Variants in DYNC2H1 observed in about 807,000 individuals in gnomAD.
DYNC2H1 encodes dynein cytoplasmic 2 heavy chain 1.
DYNC2H1 carries 410 observed loss-of-function variants against 570.0 expected under a neutral mutation model. The ratio of observed to expected loss-of-function variants is 0.72; its 90% CI spans 0.66 to 0.78. The LOEUF is 0.78. Ranked by LOEUF, DYNC2H1 falls within the 30% of genes least tolerant of loss-of-function variation. The pLI, the probability that DYNC2H1 is intolerant of heterozygous loss-of-function variation, is 0.00. For synonymous variants in DYNC2H1, 1,688 were observed against 1,677.6 expected, an observed-to-expected ratio of 1.01 and a Z score of -0.15; for missense variants, 4,865 against 5,046.4, an observed-to-expected ratio of 0.96 and a Z score of 1.09.
At chr11:103,354,995 G>A (rs1018700698) in intron 82 of DYNC2H1, among the ~76,000 whole-genome samples, 3 of 151,774 alleles carry the variant, frequency 2.0e-5, no homozygotes, top group African/African-American at 7.3e-5. Context: ...TCTTCATATA[G>A]TAATAACTCT....
Position 103,153,357 on chromosome 11 carries a change from C to A in DYNC2H1, c.3151C>A (p.Leu1051Met), listed in dbSNP as rs1860659381. 1 of 1,547,964 alleles carries A rather than the reference C, an allele frequency of 6.5e-7. No homozygotes were observed. The highest frequency in any genetic ancestry group is 2.0e-5 in the Admixed American group (1 of 50,510). Reference sequence around the variant, plus strand: ...ACGTCTTCAGATCTATTATCAAGAACTGGAAAAATTTAAAGCTCGTTGGGA... The same window carrying A: ...ACGTCTTCAGATCTATTATCAAGAAATGGAAAAATTTAAAGCTCGTTGGGA... ...KSRLQIYYQE[L>M]EKFKARWDQL... Residue 1051 changes from leucine to methionine, a missense_variant, in exon 22 of 89, where the codon CTG becomes ATG. Physicochemically the swap from Leu to Met is conservative, Grantham distance 15 (BLOSUM62 2). This residue lies in a region of DYNC2H1 where 1,936 missense variants were observed against 1,962.1 expected (regional missense o/e 0.99). Coordinates refer to ENST00000375735, the MANE Select transcript of DYNC2H1 (RefSeq NM_001377.3).
intron 17 of DYNC2H1, 134 bp from the exon 18 acceptor site, chr11:103,143,134 T>C: frequency 2.5e-6 from 2 of 801,348 alleles, no homozygotes; most frequent in Admixed American, 2.8e-5. Flanking sequence ...GTAATGATTA[T>C]ATTACTTAAA....
At chr11:103,389,872 T>C (rs1942059588) in intron 83 of DYNC2H1, among the ~76,000 whole-genome samples, 2 of 152,304 alleles carry the variant, frequency 1.3e-5, no homozygotes, top group South Asian at 4.2e-4. Context: ...CAGTTTGTTA[T>C]AATTTCTGTT....
In DYNC2H1 at chr11:103,235,719, A is replaced by T; in HGVS notation, c.9615A>T (p.Gln3205His). 6.2e-7 allele frequency: 1 copy of T among 1,611,424 alleles called. No homozygotes were observed. Among genetic ancestry groups the T allele is most frequent in the Non-Finnish European group, 8.5e-7 (1 of 1,178,396 alleles). ...TAGCTACTCTTCCTAAAAGAGCTCA[A>T]CTTGCTGCTGCATTTATTACATATC... ...EELATLPKRAQLAAAFITYLS... is the reference protein window; with the variant it reads ...EELATLPKRAHLAAAFITYLS... Residue 3205 changes from glutamine to histidine, a missense_variant, in exon 62 of 89, where the codon CAA becomes CAT. This residue lies in a region of DYNC2H1 where 2,401 missense variants were observed against 2,454.6 expected (regional missense o/e 0.98). Coordinates refer to ENST00000375735, the MANE Select transcript of DYNC2H1 (RefSeq NM_001377.3).
intron 82 of DYNC2H1, among the ~76,000 whole-genome samples, chr11:103,351,774 T>C (rs1439433627): frequency 6.6e-6 from 1 of 152,194 alleles, no homozygotes; most frequent in Non-Finnish European, 1.5e-5. Flanking sequence ...TACTAGCCTT[T>C]GTAACATTAT....
At position 103,280,752 on chromosome 11, in the gene DYNC2H1, G is replaced by A. The variant is rs1163211949; in HGVS notation, c.10761+339G>A. Among the ~76,000 whole-genome samples, 2 of 151,972 alleles carry A rather than the reference G, an allele frequency of 1.3e-5. No homozygotes were observed. Among genetic ancestry groups the A allele is most frequent in the Non-Finnish European group, 2.9e-5 (2 of 67,958 alleles). ...CATATAGAAAAAGTGAGACAATATTGGTACAAAACTACATTATTTATTGCT... is the reference window on the plus strand; with the variant it reads ...CATATAGAAAAAGTGAGACAATATTAGTACAAAACTACATTATTTATTGCT... On this transcript the variant is annotated intron_variant, in intron 71 of 88. Coordinates refer to ENST00000375735, the MANE Select transcript of DYNC2H1 (RefSeq NM_001377.3). This position sits in a 1 kb window ranked among gnomAD's most constrained non-coding sequence, Gnocchi z 4.7.
intron 86 of DYNC2H1, 73 bp from the exon 87 acceptor site, chr11:103,456,202 T>G: frequency 8.8e-7 from 1 of 1,134,204 alleles, no homozygotes; most frequent in Non-Finnish European, 1.3e-6. Flanking sequence ...AATAGGACTA[T>G]ATCTTCAGTT....
rs1418579435 is a variant in DYNC2H1 at position 103,252,238 on chromosome 11, A to G, written c.10043-1047A>G. ...GCATAAGCAGCCGTGCCTGACCCAC[A>G]TTTTCTTTATCCGATCTGTTGATGG... On this transcript the variant is annotated intron_variant, in intron 65 of 88. Coordinates refer to ENST00000375735, the MANE Select transcript of DYNC2H1 (RefSeq NM_001377.3). The surrounding 1 kb of genome is among the most constrained non-coding windows in gnomAD (Gnocchi z 4.6). Among the ~76,000 whole-genome samples the G allele has an allele frequency of 1.3e-5, 2 of 151,546 alleles. No individual in the cohort carries two copies. Among genetic ancestry groups the G allele is most frequent in the African/African-American group, 4.9e-5 (2 of 41,188 alleles).
chr11:103,350,235 G>A (rs1269499504), intron 82 of DYNC2H1, among the ~76,000 whole-genome samples: 1 of 151,942 alleles, frequency 6.6e-6, no homozygotes, highest in Non-Finnish European at 1.5e-5. Context: ...TTGGGCTGAA[G>A]TTAAAAATAT....
intron 84 of DYNC2H1, among the ~76,000 whole-genome samples, chr11:103,428,943 A>G (rs1389234502): frequency 1.3e-5 from 2 of 152,068 alleles, no homozygotes; most frequent in Admixed American, 1.3e-4. Context: ...ATCTCTTAAG[A>G]TAACAAGCAT....
chr11:103,308,228 G>GT (rs536822607), intron 78 of DYNC2H1, among the ~76,000 whole-genome samples: 3 of 152,124 alleles, frequency 2.0e-5, no homozygotes, highest in Non-Finnish European at 2.9e-5. Flanking sequence ...CTTTCTAAGA[G>GT]TTTGACTGCT....
chr11:103,187,527 A>T lies in DYNC2H1; in HGVS notation c.7081A>T (p.Ile2361Phe). Residue 2361 changes from isoleucine (I) to phenylalanine (F), a missense_variant, in exon 43 of 89, where the codon ATC (isoleucine) becomes TTC (phenylalanine). This residue lies in a region of DYNC2H1 where 2,401 missense variants were observed against 2,454.6 expected (regional missense o/e 0.98). Transcript: ENST00000375735. The stretch of plus-strand genomic sequence containing the variant: ...AAGACTTGTTCTGTACTTAAAAGAT[A>T]TCAACCTACCTAAACTTGATAAATG... ...CERLVLYLKD[I>F]NLPKLDKWGT... 1 of 1,613,328 alleles carries T rather than the reference A, an allele frequency of 6.2e-7. No homozygotes were observed. The highest frequency in any genetic ancestry group is 8.5e-7 in the Non-Finnish European group (1 of 1,179,474).
chr11:103,152,237 T>A lies in DYNC2H1; in HGVS notation c.3048T>A (p.Asp1016Glu), dbSNP rs1232925591. 6.8e-6 allele frequency: 11 copies of A among 1,608,490 alleles called. No homozygotes were observed. The highest frequency in any genetic ancestry group is 1.3e-5 in the African/African-American group (1 of 74,734). ...TTAGTAATTTGAAAGCCAAGTGGGA[T>A]AAATTTGAGTTAATGATGGAAAGTC... ...ETISNLKAKW[D>E]KFELMMESHQ... Residue 1016 changes from aspartate (D) to glutamate (E), a missense_variant, in exon 21 of 89, where the codon GAT (aspartate) becomes GAA (glutamate). Asp to Glu is a conservative substitution (Grantham distance 45). This residue lies in a region of DYNC2H1 where 1,936 missense variants were observed against 1,962.1 expected (regional missense o/e 0.99). Transcript: ENST00000375735.
In DYNC2H1 at chr11:103,157,691, A is replaced by G. The variant is rs1183912470; in HGVS notation, c.4127+921A>G. On this transcript the variant is annotated intron_variant, in intron 26 of 88. Transcript: ENST00000375735. This position sits in a 1 kb window ranked among gnomAD's most constrained non-coding sequence, Gnocchi z 4.2. Reference sequence around the variant, plus strand: ...CATTAACCTTCTGACTTGCTCTTGTATAATATAAGTTTTTCACACAACAGC... The same window carrying G: ...CATTAACCTTCTGACTTGCTCTTGTGTAATATAAGTTTTTCACACAACAGC... Among the ~76,000 whole-genome samples the G allele has an allele frequency of 1.3e-5, 2 of 152,178 alleles. No homozygotes were observed. Among genetic ancestry groups the G allele is most frequent in the African/African-American group, 4.8e-5 (2 of 41,440 alleles).
rs1862225558 is a variant in DYNC2H1, at chr11:103,189,850, T to C, written c.7437+34T>C. On this transcript the variant is annotated intron_variant, in intron 45 of 88. Transcript: ENST00000375735. The surrounding 1 kb of genome is among the most constrained non-coding windows in gnomAD (Gnocchi z 4.3). ...GCATCTAAATTGTAGCTTTCATGTC[T>C]ATTAGTATCATTTCTAAAGGTCTAC... is the stretch of plus-strand genomic sequence containing the variant. 1 of 1,550,332 alleles carries C rather than the reference T, an allele frequency of 6.5e-7. No homozygotes were observed. The highest frequency in any genetic ancestry group is 8.7e-7 in the Non-Finnish European group (1 of 1,153,388).
Position 103,256,179 on chromosome 11 carries a change from G to A in DYNC2H1, c.10400G>A (p.Ser3467Asn), listed in dbSNP as rs1423868738. ...LIESLNQTKA[S>N]SALIQESLKE... ...GAGTCTTTGAATCAGACAAAAGCAA[G>A]CAGTGCACTTATTCAAGAGTCACTT... is the stretch of plus-strand genomic sequence containing the variant. The change falls in exon 68 of 89, where the codon AGC (serine) becomes AAC (asparagine). Residue 3467 changes from serine (S) to asparagine (N), a missense_variant. Ser to Asn is a conservative substitution (Grantham distance 46). Coordinates refer to ENST00000375735, the MANE Select transcript of DYNC2H1 (RefSeq NM_001377.3). This position sits in a 1 kb window ranked among gnomAD's most constrained non-coding sequence, Gnocchi z 4.0. 7 of 1,609,092 alleles carry A rather than the reference G, an allele frequency of 4.4e-6. No homozygotes were observed. The South Asian group carries it at 4.4e-5, about 10-fold the overall frequency.
intron 9 of DYNC2H1, 57 bp from the exon 10 acceptor site, chr11:103,121,315 T>C: frequency 6.6e-7 from 1 of 1,524,740 alleles, no homozygotes; most frequent in Admixed American, 2.1e-5. Context: ...ACGTGGAAGT[T>C]ATTTAGGAAA....
intron 84 of DYNC2H1, among the ~76,000 whole-genome samples, chr11:103,420,447 TAAAAG>T (rs575026722): frequency 3.1e-4 from 47 of 151,800 alleles, no homozygotes; most frequent in African/African-American, 1.1e-3. Flanking sequence ...AAGGTTGAAA[TAAAAG>T]AAAAAGTATT....
intron 87 of DYNC2H1, among the ~76,000 whole-genome samples, chr11:103,467,037 T>C (rs1945214614): frequency 6.6e-6 from 1 of 152,014 alleles, no homozygotes. Flanking sequence ...TGTGCAGCTG[T>C]TGGAAATGAA....
Sources: allele counts gnomAD v4.1 joint callset (sites outside exome capture counted in the v4.1 genomes callset), GRCh38; gene constraint gnomAD v4.1.1; regional missense constraint gnomAD v4.1.1; non-coding constraint Gnocchi (gnomAD v3.1); transcripts MANE v1.5; gene names NCBI Gene and HGNC (gene_info 2026-07-23, HGNC 2026-07-21).